The following UBE2V1 variants were observed in gnomAD, a reference collection of about 807,000 sequenced individuals.
The protein encoded by UBE2V1 is ubiquitin-conjugating enzyme E2 variant 1.
Under a neutral mutation model 19.6 loss-of-function variants are expected in UBE2V1, and 15 were observed. The ratio of observed to expected loss-of-function variants is 0.77; its 90% CI spans 0.51 to 1.18. The LOEUF is 1.18. Among genes scored for constraint, UBE2V1 ranks in the 50% most tolerant of loss-of-function variants. The pLI, the probability that UBE2V1 is intolerant of heterozygous loss-of-function variation, is 0.00. For synonymous variants in UBE2V1, 60 were observed against 60.7 expected, an observed-to-expected ratio of 0.99 and a Z score of 0.05; for missense variants, 125 against 184.8, an observed-to-expected ratio of 0.68 and a Z score of 1.88.
At chr20:50,093,987 C>CAAAAAAAAAAAT (rs2079401659) in intron 2 of UBE2V1, among the ~76,000 whole-genome samples, 1 of 56,306 alleles carries the variant, frequency 1.8e-5, no homozygotes, top group African/African-American at 6.5e-5. Context: ...GACTCCAACT[C>CAAAAAAAAAAAT]AAAAAAAAAA....
At chr20:50,083,964 G>A (rs747284734) in intron 3 of UBE2V1, 165 bp downstream of exon 3, 10 of 1,088,552 alleles carry the variant, frequency 9.2e-6, no homozygotes, top group Non-Finnish European at 1.1e-5. Flanking sequence ...AGATATAATT[G>A]GGAAACAGGC....
intron 1 of UBE2V1, among the ~76,000 whole-genome samples, chr20:50,107,272 G>C (rs1057457558): frequency 2.6e-5 from 4 of 152,194 alleles, no homozygotes; most frequent in Non-Finnish European, 5.9e-5. Flanking sequence ...GAAACTCCAA[G>C]GTTGGGCCTA....
At chr20:50,099,661 T>A (rs1338054911) in intron 1 of UBE2V1, among the ~76,000 whole-genome samples, 3 of 152,200 alleles carry the variant, frequency 2.0e-5, no homozygotes, top group Non-Finnish European at 4.4e-5. Context: ...TAGGAATCCA[T>A]AAGCCAAGCT....
In UBE2V1 at chr20:50,084,025, T is replaced by C. The variant is rs1276533803; in HGVS notation, c.297+104A>G. ...CACAGTGATACAGTTTATCAACAAA[T>C]AACCAAAGAACCTAGGAATTGGGCC... On this transcript the variant is annotated intron_variant, in intron 3 of 3. Coordinates refer to ENST00000371674, the MANE Select transcript of UBE2V1 (RefSeq NM_001032288.3). The C allele has an allele frequency of 1.3e-5, 19 of 1,497,522 alleles. No homozygotes were observed. In the East Asian group the frequency reaches 4.3e-4, roughly 34 times the overall value. The allele number at this position is 1,497,522 out of a possible 1,614,324, so 92.8% of individuals were successfully genotyped here.
intron 1 of UBE2V1, among the ~76,000 whole-genome samples, chr20:50,099,966 T>TG (rs2079879510): frequency 6.6e-6 from 1 of 152,070 alleles, no homozygotes; most frequent in African/African-American, 2.4e-5. Context: ...GGCATGGTGG[T>TG]GCCCACCTGT....
At chr20:50,113,242 C>G (rs188681965), upstream of UBE2V1, 23 of 817,460 alleles carry the variant, frequency 2.8e-5, no homozygotes, top group Middle Eastern at 3.3e-4. Flanking sequence ...GACGCCCGCC[C>G]CGGAGACCTG....
intron 2 of UBE2V1, among the ~76,000 whole-genome samples, chr20:50,090,910 T>C (rs966241098): frequency 6.6e-6 from 1 of 152,196 alleles, no homozygotes; most frequent in Non-Finnish European, 1.5e-5. Context: ...ACCTTGGATA[T>C]ATACAGCTTT....
chr20:50,083,861 T>G (rs919762786), intron 3 of UBE2V1: 38 of 266,054 alleles, frequency 1.4e-4, no homozygotes, highest in African/African-American at 8.1e-4. Context: ...TTTCCTCATC[T>G]CTACCTCACT....
In UBE2V1 at chr20:50,113,146, TG is replaced by T; in HGVS notation, c.-19del. ...GCTGCCATCTTGCGTCGCTCTTGCT[TG>T]AAGGCCGGCCCCTTCTTCACCCCCC... is the stretch of plus-strand genomic sequence containing the variant. On this transcript the variant is annotated 5_prime_UTR_variant, in exon 1 of 4. Coordinates refer to ENST00000371674, the MANE Select transcript of UBE2V1 (RefSeq NM_001032288.3). The T allele has an allele frequency of 7.5e-7, 1 of 1,341,808 alleles. No individual in the cohort carries two copies. The highest frequency in any genetic ancestry group is 2.0e-5 in the South Asian group (1 of 50,116). 83.1% of individuals were successfully genotyped at this position (1,341,808 alleles called of 1,614,324 possible).
intron 2 of UBE2V1, among the ~76,000 whole-genome samples, chr20:50,087,834 C>T (rs1340219262): frequency 1.3e-5 from 2 of 152,126 alleles, no homozygotes; most frequent in Non-Finnish European, 1.5e-5. Context: ...AACCCGGAGA[C>T]TTCGTAGCCT....
intron 2 of UBE2V1, among the ~76,000 whole-genome samples, chr20:50,088,144 C>T (rs2079029963): frequency 1.4e-5 from 2 of 145,434 alleles, no homozygotes; most frequent in South Asian, 4.4e-4. Context: ...GAGAGACAGT[C>T]TACAAAATAC....
At position 50,101,416 on chromosome 20, in the gene UBE2V1, C is replaced by CTT. The variant is rs11474905; in HGVS notation, c.23-4598_23-4597dup. On this transcript the variant is annotated intron_variant, in intron 1 of 3. Transcript: ENST00000371674. ...CAAAATCATTGAAGACCTCAAAGAA[C>CTT]TTTTTTTTTTTTTTTTTTTGAGACA... is the stretch of plus-strand genomic sequence containing the variant. Among the ~76,000 whole-genome samples the CTT allele has an allele frequency of 8.6e-4, 109 of 126,298 alleles. 1 individual carries two copies. Among genetic ancestry groups the CTT allele is most frequent in the African/African-American group, 1.4e-3 (48 of 33,132 alleles). The allele number at this position is 126,298 out of a possible 152,430, so 82.9% of individuals were successfully genotyped here.
At chr20:50,083,177 C>A (rs987860916) in intron 3 of UBE2V1, among the ~76,000 whole-genome samples, 5 of 152,230 alleles carry the variant, frequency 3.3e-5, no homozygotes, top group Non-Finnish European at 7.3e-5. Context: ...CTCAACCCAG[C>A]CCTACTTGGC....
chr20:50,084,369 A>T (rs2146951964), intron 2 of UBE2V1, 115 bp from the exon 3 acceptor site: 1 of 1,583,982 alleles, frequency 6.3e-7, no homozygotes, highest in East Asian at 2.2e-5. Flanking sequence ...TGCTTCCAGC[A>T]TGGAGTCTAC....
At chr20:50,085,402 C>G (rs1269336281) in intron 2 of UBE2V1, among the ~76,000 whole-genome samples, 1 of 152,070 alleles carries the variant, frequency 6.6e-6, no homozygotes, top group Admixed American at 6.6e-5. Context: ...CTACCTAGTC[C>G]CTAGCTTTCT....
At chr20:50,101,194 G>C (rs891264705) in intron 1 of UBE2V1, among the ~76,000 whole-genome samples, 2 of 152,174 alleles carry the variant, frequency 1.3e-5, no homozygotes, top group Admixed American at 1.3e-4. Context: ...TCTGACTCAA[G>C]TTGTAAAGCC....
At position 50,084,693 on chromosome 20, in the gene UBE2V1, C is replaced by G. The variant is rs763084269; in HGVS notation, c.172-439G>C. On this transcript the variant is annotated intron_variant, in intron 2 of 3. Coordinates refer to ENST00000371674, the MANE Select transcript of UBE2V1 (RefSeq NM_001032288.3). ...AACAGGTCACTGCTTTAGAGAACCT[C>G]AAAATTAAGACAAGACGAGGGAGGG... 22 of 376,156 alleles carry G rather than the reference C, an allele frequency of 5.8e-5. 1 individual carries two copies. Among genetic ancestry groups the G allele is most frequent in the South Asian group, 4.4e-4 (22 of 49,480 alleles). The allele number at this position is 376,156 out of a possible 1,614,324, so 23.3% of individuals were successfully genotyped here.
intron 1 of UBE2V1, among the ~76,000 whole-genome samples, chr20:50,100,150 G>C (rs2079892762): frequency 6.6e-6 from 1 of 151,928 alleles, no homozygotes; most frequent in South Asian, 2.1e-4. Context: ...GTGTGGTGGT[G>C]CACACCTGTA....
At chr20:50,098,659 G>A (rs2079788877) in intron 1 of UBE2V1, among the ~76,000 whole-genome samples, 2 of 152,080 alleles carry the variant, frequency 1.3e-5, no homozygotes, top group East Asian at 3.8e-4. Flanking sequence ...GTATGTTAGA[G>A]GACTTTCGGT....
Sources: gnomAD v4.1 joint callset for allele counts (sites outside exome capture counted in the v4.1 genomes callset) on GRCh38, gnomAD v4.1.1 for gene constraint, MANE v1.5 for transcripts, NCBI Gene and HGNC (gene_info 2026-07-23, HGNC 2026-07-21) for gene names.